Variants in GABRA3 observed in about 807,000 individuals in gnomAD.
The protein encoded by GABRA3 is gamma-aminobutyric acid receptor subunit alpha-3.
GABRA3 carries 10 observed loss-of-function variants against 30.1 expected under a neutral mutation model. The observed-to-expected ratio is 0.33, with a 90% CI of 0.20 to 0.56. The LOEUF is 0.56. GABRA3 is among the 20% of genes least tolerant of loss of function. GABRA3 has a pLI of 0.89. For synonymous variants in GABRA3, 151 were observed against 146.8 expected, an observed-to-expected ratio of 1.03 and a Z score of -0.21; for missense variants, 233 against 392.0, an observed-to-expected ratio of 0.59 and a Z score of 3.42.
chrX:152,201,649 C>G (rs945934827), intron 7 of GABRA3, among the ~76,000 whole-genome samples: 7 of 112,099 alleles, frequency 6.2e-5, no homozygotes, highest in African/African-American at 2.3e-4. Context: ...GAATGTAAAA[C>G]ACATTCACAA....
In GABRA3 at chrX:152,168,233, G is replaced by A. The variant is rs201056354; in HGVS notation, c.1474C>T (p.Gln492Ter). ...TGCTGCACTGCCACCACTATCTACTGTTTGCGGATCATGCCCTTGATAGCT... is the reference window on the plus strand; with the variant it reads ...TGCTGCACTGCCACCACTATCTACTATTTGCGGATCATGCCCTTGATAGCT... Reference protein sequence around the residue: ...ESAIKGMIRKQ With the variant: ...ESAIKGMIRK The change falls in exon 10 of 10, where the codon CAG becomes TAG. Residue 492 changes from glutamine (Q) to a stop codon, truncating the protein, a stop_gained. Transcript: ENST00000370314. LOFTEE classifies it high-confidence loss of function. The A allele has an allele frequency of 8.3e-7, 1 of 1,208,224 alleles. No individual in the cohort carries two copies.
chrX:152,333,435 T>G (rs1020987695), intron 3 of GABRA3, among the ~76,000 whole-genome samples: 2 of 111,807 alleles, frequency 1.8e-5, no homozygotes, highest in Non-Finnish European at 3.8e-5. Context: ...AAAACAAGGA[T>G]AGCTGCTATT....
intron 3 of GABRA3, among the ~76,000 whole-genome samples, chrX:152,335,702 T>A (rs1940223396): frequency 8.9e-6 from 1 of 111,843 alleles, no homozygotes; most frequent in African/African-American, 3.3e-5. Context: ...GCTTTTACTA[T>A]ACCCACCACC....
chrX:152,351,417 T>A, intron 2 of GABRA3, among the ~76,000 whole-genome samples: 1 of 112,098 alleles, frequency 8.9e-6, no homozygotes, highest in East Asian at 2.8e-4. Context: ...GTTATGGAGA[T>A]GGCTTCTTTC....
In GABRA3 at chrX:152,178,250, ATG is replaced by A. The variant is rs763383254; in HGVS notation, c.1144-9689_1144-9688del. ...AGAAATAATTGCCGTGTGTGCGTCT[ATG>A]TGTGTGTGTGTGTGCGTGTGTGTGT... On this transcript the variant is annotated intron_variant, in intron 9 of 9. Transcript: ENST00000370314. Among the ~76,000 whole-genome samples the A allele has an allele frequency of 5.6e-5, 6 of 107,006 alleles. No homozygotes were observed. The East Asian group carries it at 1.5e-3, about 26-fold the overall frequency. 92.9% of individuals were successfully genotyped at this position (107,006 alleles called of 115,157 possible).
At chrX:152,324,923 A>C (rs1023547969) in intron 3 of GABRA3, among the ~76,000 whole-genome samples, 15 of 112,016 alleles carry the variant, frequency 1.3e-4, no homozygotes, top group Non-Finnish European at 2.6e-4. Context: ...CATTAAGGTA[A>C]GCCAAGTGGG....
At chrX:152,444,964 G>A (rs1288155065) in intron 1 of GABRA3, among the ~76,000 whole-genome samples, 7 of 87,995 alleles carry the variant, frequency 8.0e-5, no homozygotes, top group Non-Finnish European at 1.6e-4. Flanking sequence ...GGGAGGCTGA[G>A]GCAGGAGAAT....
intron 1 of GABRA3, among the ~76,000 whole-genome samples, chrX:152,398,530 C>A (rs1271057322): frequency 9.0e-6 from 1 of 111,056 alleles, no homozygotes; most frequent in Middle Eastern, 4.2e-3. Context: ...ACCCATCTAA[C>A]AACCTGAGGC....
intron 3 of GABRA3, among the ~76,000 whole-genome samples, chrX:152,344,525 T>G (rs867369124): frequency 1.8e-5 from 2 of 111,917 alleles, no homozygotes; most frequent in Admixed American, 1.9e-4. Context: ...TTGTTAAGAC[T>G]ATTGGGTGTA....
At chrX:152,446,585 C>T (rs1458506946) in intron 1 of GABRA3, among the ~76,000 whole-genome samples, 3 of 109,712 alleles carry the variant, frequency 2.7e-5, no homozygotes, top group African/African-American at 1.0e-4. Flanking sequence ...TTCAAAGTAC[C>T]ACCCCTGAAT....
chrX:152,214,955 T>C (rs1340509919), intron 6 of GABRA3, among the ~76,000 whole-genome samples: 1 of 108,861 alleles, frequency 9.2e-6, no homozygotes, highest in African/African-American at 3.3e-5. Flanking sequence ...TTCTAACAAA[T>C]TTTTGTTTAG....
At chrX:152,307,917 G>A (rs746756160) in intron 3 of GABRA3, among the ~76,000 whole-genome samples, 1 of 112,551 alleles carries the variant, frequency 8.9e-6, no homozygotes, top group East Asian at 2.8e-4. Flanking sequence ...TTCTGCCTTT[G>A]TGGAGCACAG....
At chrX:152,390,212 G>A (rs919670858) in intron 1 of GABRA3, among the ~76,000 whole-genome samples, 5 of 111,738 alleles carry the variant, frequency 4.5e-5, no homozygotes, top group Admixed American at 9.5e-5. Context: ...CTCTCAGCTC[G>A]TCAAAGTCAT....
chrX:152,224,220 A>G (rs139763399), intron 6 of GABRA3, among the ~76,000 whole-genome samples: 1 of 112,148 alleles, frequency 8.9e-6, no homozygotes, highest in East Asian at 2.8e-4. Flanking sequence ...TTTCTAATTC[A>G]TTTGAAAATG....
chrX:152,415,097 T>C (rs1930177445), intron 1 of GABRA3, among the ~76,000 whole-genome samples: 1 of 111,234 alleles, frequency 9.0e-6, no homozygotes, highest in African/African-American at 3.3e-5. Context: ...CAATGCATTA[T>C]ACATTTGTCA....
At chrX:152,266,737 T>G (rs1207327575) in intron 4 of GABRA3, among the ~76,000 whole-genome samples, 2 of 110,970 alleles carry the variant, frequency 1.8e-5, no homozygotes, top group Non-Finnish European at 3.8e-5. Context: ...GAGTTATTTT[T>G]CTTCCTTATA....
chrX:152,274,249 G>T (rs1430445031), intron 4 of GABRA3, among the ~76,000 whole-genome samples: 2 of 111,483 alleles, frequency 1.8e-5, no homozygotes, highest in African/African-American at 3.3e-5. Context: ...CTCACGATAA[G>T]TGAAAGACCA....
At chrX:152,384,864 A>G (rs189150056) in intron 1 of GABRA3, among the ~76,000 whole-genome samples, 62 of 112,152 alleles carry the variant, frequency 5.5e-4, no homozygotes, top group Non-Finnish European at 1.1e-3. Context: ...TCTGATAAAG[A>G]AACATTATCC....
At chrX:152,442,661 A>G (rs1421906495) in intron 1 of GABRA3, among the ~76,000 whole-genome samples, 2 of 111,986 alleles carry the variant, frequency 1.8e-5, no homozygotes, top group Non-Finnish European at 1.9e-5. Context: ...AGCTACAATA[A>G]TATTTAAACT....
Sources: gnomAD v4.1 joint callset for allele counts (sites outside exome capture counted in the v4.1 genomes callset) on GRCh38, gnomAD v4.1.1 for gene constraint, MANE v1.5 for transcripts, NCBI Gene and HGNC (gene_info 2026-07-23, HGNC 2026-07-21) for gene names.